EPN2: variants seen among roughly 807,000 people sequenced by gnomAD.
EPN2 encodes epsin 2, also known as epsin-2.
EPN2 carries 34 observed loss-of-function variants against 61.7 expected under a neutral mutation model. The observed-to-expected ratio is 0.55, with a 90% confidence interval of 0.42 to 0.73. The LOEUF (loss-of-function observed/expected upper bound fraction) is 0.73. EPN2 is among the 30% of genes least tolerant of loss of function. The pLI is 0.00. For synonymous variants in EPN2, 349 were observed against 353.6 expected, an observed-to-expected ratio of 0.99 and a Z score of 0.15; for missense variants, 714 against 839.2, an observed-to-expected ratio of 0.85 and a Z score of 1.84.
intron 1 of EPN2, among the ~76,000 whole-genome samples, chr17:19,238,041 G>C (rs1444005281): frequency 4.6e-5 from 7 of 152,210 alleles, no homozygotes; most frequent in African/African-American, 1.7e-4. Flanking sequence ...ATCTCTGTCC[G>C]GGATCCCGCC....
intron 1 of EPN2, among the ~76,000 whole-genome samples, chr17:19,238,219 C>T (rs1416065168): frequency 6.6e-6 from 1 of 152,210 alleles, no homozygotes; most frequent in Non-Finnish European, 1.5e-5. Context: ...CCCGGCCCGG[C>T]GGTCCTGCTC....
rs147335282 is a variant in EPN2 at position 19,312,770 on chromosome 17, C to T, written c.973-335C>T. 587 of 305,494 alleles carry T rather than the reference C, an allele frequency of 1.9e-3. 18 individuals are homozygous for T. The East Asian group carries it at 0.047, about 25-fold the overall frequency. 18.9% of individuals were successfully genotyped at this position (305,494 alleles called of 1,614,324 possible). ...CCGAGGAGGAGGGCCCTCAGGCTGG[C>T]CCTGGATGGTGGCTGGCAGGTGGGA... On this transcript the variant is annotated intron_variant, in intron 6 of 10. Coordinates refer to ENST00000314728, the MANE Select transcript of EPN2 (RefSeq NM_014964.5).
chr17:19,240,607 T>C (rs1036870337), intron 1 of EPN2, among the ~76,000 whole-genome samples: 2 of 152,218 alleles, frequency 1.3e-5, no homozygotes, highest in Non-Finnish European at 2.9e-5. Context: ...GTATCCCTTT[T>C]TTGTCTGCTG....
chr17:19,277,062 CTA>C (rs2045314883), intron 1 of EPN2, among the ~76,000 whole-genome samples: 1 of 151,934 alleles, frequency 6.6e-6, no homozygotes, highest in South Asian at 2.1e-4. Context: ...AGCGTGCAAA[CTA>C]TGCGAAAAAG....
intron 9 of EPN2, 107 bp downstream of exon 9, chr17:19,329,754 C>T: frequency 1.5e-6 from 1 of 679,964 alleles, no homozygotes; most frequent in Non-Finnish European, 2.5e-6. Flanking sequence ...CCTGCATTTT[C>T]TTTGTATTTT....
At position 19,283,091 on chromosome 17, in the gene EPN2, G is replaced by C; in HGVS notation, c.-29G>C. The stretch of plus-strand genomic sequence containing the variant: ...ACAGGAAGGTTTCTCTGTTTGAAGG[G>C]CTTTAAACTTATAACAAAGAAAATA... On this transcript the variant is annotated 5_prime_UTR_variant, in exon 3 of 11. Transcript: ENST00000314728. The surrounding 1 kb of genome is among the most constrained non-coding windows in gnomAD (Gnocchi z 7.0). The C allele has an allele frequency of 6.4e-7, 1 of 1,551,634 alleles. No individual in the cohort carries two copies. The highest frequency in any genetic ancestry group is 8.8e-7 in the Non-Finnish European group (1 of 1,133,266).
Position 19,242,032 on chromosome 17 carries a change from G to C in EPN2, c.-294+4501G>C, listed in dbSNP as rs556555808. ...GGAATTGTGAATAACGAGATTTCTG[G>C]CTCTTTCCTAACCTTAGAACCTTTG... On this transcript the variant is annotated intron_variant, in intron 1 of 10. Coordinates refer to ENST00000314728, the MANE Select transcript of EPN2 (RefSeq NM_014964.5). Among the ~76,000 whole-genome samples, 4 of 151,820 alleles carry C rather than the reference G, an allele frequency of 2.6e-5. No homozygotes were observed. In the South Asian group the frequency reaches 8.3e-4, roughly 32 times the overall value.
intron 1 of EPN2, among the ~76,000 whole-genome samples, chr17:19,239,373 A>G (rs191278391): frequency 3.3e-3 from 500 of 152,300 alleles, no homozygotes; most frequent in African/African-American, 0.011. Context: ...GCTGGTCTCG[A>G]ACTCCTGACC....
At chr17:19,278,932 CG>C (rs1434780965) in intron 1 of EPN2, among the ~76,000 whole-genome samples, 11 of 152,316 alleles carry the variant, frequency 7.2e-5, no homozygotes, top group Admixed American at 2.6e-4. Context: ...CCACCGTGCC[CG>C]GCCCCTAGTG....
chr17:19,330,907 C>T (rs982598526), intron 9 of EPN2, among the ~76,000 whole-genome samples: 6 of 152,136 alleles, frequency 3.9e-5, no homozygotes, highest in African/African-American at 1.4e-4. Flanking sequence ...GAGGCTAAGG[C>T]GGGAGGATCC....
At chr17:19,252,694 CT>C (rs2045027541) in intron 1 of EPN2, among the ~76,000 whole-genome samples, 1 of 152,064 alleles carries the variant, frequency 6.6e-6, no homozygotes, top group Admixed American at 6.6e-5. Flanking sequence ...TACACAAAAT[CT>C]TGATTGATTG....
chr17:19,295,708 CT>C (rs1389655122), intron 4 of EPN2, among the ~76,000 whole-genome samples: 2 of 151,962 alleles, frequency 1.3e-5, no homozygotes, highest in Non-Finnish European at 2.9e-5. Flanking sequence ...TGACAGTTGC[CT>C]TTTTTCCCTA....
intron 1 of EPN2, among the ~76,000 whole-genome samples, chr17:19,266,381 C>T (rs2045197416): frequency 6.6e-6 from 1 of 151,866 alleles, no homozygotes; most frequent in South Asian, 2.1e-4. Flanking sequence ...CATAGATGTC[C>T]ATCTCAACAT....
chr17:19,327,146 G>GT (rs928612186), intron 7 of EPN2, among the ~76,000 whole-genome samples: 5 of 152,148 alleles, frequency 3.3e-5, no homozygotes, highest in Non-Finnish European at 7.3e-5. Context: ...GCATTCCTTG[G>GT]TGAAGGCAGA....
intron 1 of EPN2, among the ~76,000 whole-genome samples, chr17:19,267,582 G>A (rs556392930): frequency 1.3e-5 from 2 of 149,508 alleles, no homozygotes; most frequent in Admixed American, 6.7e-5. Context: ...CCACTCTGTC[G>A]CCCAGGCTGG....
intron 4 of EPN2, among the ~76,000 whole-genome samples, chr17:19,289,354 G>C (rs2045437472): frequency 6.6e-6 from 1 of 152,080 alleles, no homozygotes. Flanking sequence ...AAAGTGCTGG[G>C]ATTACAGGTG....
chr17:19,321,078 G>A (rs1906616893), intron 7 of EPN2, among the ~76,000 whole-genome samples: 1 of 152,222 alleles, frequency 6.6e-6, no homozygotes. Context: ...CCCTGAGAAG[G>A]GTTTTGAGCT....
At chr17:19,262,268 C>T (rs1294730204) in intron 1 of EPN2, among the ~76,000 whole-genome samples, 2 of 152,108 alleles carry the variant, frequency 1.3e-5, no homozygotes, top group Non-Finnish European at 2.9e-5. Flanking sequence ...CACCTGAGGT[C>T]GGGAGTTCAA....
chr17:19,297,873 T>C (rs547154501), intron 4 of EPN2, among the ~76,000 whole-genome samples: 45 of 152,324 alleles, frequency 3.0e-4, no homozygotes, highest in Admixed American at 2.1e-3. Context: ...TATTTATCGA[T>C]TCATTTATGT....
Sources: allele counts gnomAD v4.1 joint callset (sites outside exome capture counted in the v4.1 genomes callset), GRCh38; gene constraint gnomAD v4.1.1; non-coding constraint Gnocchi (gnomAD v3.1); transcripts MANE v1.5; gene names NCBI Gene and HGNC (gene_info 2026-07-23, HGNC 2026-07-21).